The following PRKACA variants were observed in gnomAD, a reference collection of about 807,000 sequenced individuals.
The protein encoded by PRKACA is cAMP-dependent protein kinase catalytic subunit alpha.
In PRKACA, 9 loss-of-function variants were observed where a neutral mutation model predicts 45.8. The ratio of observed to expected loss-of-function variants is 0.20; its 90% CI spans 0.12 to 0.34. The LOEUF is 0.34. PRKACA is among the 10% of genes least tolerant of loss of function. PRKACA has a pLI of 1.00. For synonymous variants in PRKACA, 160 were observed against 178.6 expected, an observed-to-expected ratio of 0.90 and a Z score of 0.83; for missense variants, 238 against 458.6, an observed-to-expected ratio of 0.52 and a Z score of 4.39.
chr19:14,097,893 G>T lies in PRKACA; in HGVS notation c.420-3C>A. 6.2e-7 allele frequency: 1 copy of T among 1,614,122 alleles called. No individual in the cohort carries two copies. Among genetic ancestry groups the T allele is most frequent in the Non-Finnish European group, 8.5e-7 (1 of 1,180,026 alleles). ...CGTAGAAACGGGCATGGGGCTCACT[G>T]ATGGGGACAAATGGGGAGGTGAACG... On this transcript the variant is annotated splice_region_variant and splice_polypyrimidine_tract_variant and intron_variant, in intron 5 of 9. Transcript: ENST00000308677. The surrounding 1 kb of genome is among the most constrained non-coding windows in gnomAD (Gnocchi z 5.4).
chr19:14,099,028 T>G (rs1241207624), intron 5 of PRKACA, among the ~76,000 whole-genome samples: 2 of 152,070 alleles, frequency 1.3e-5, no homozygotes, highest in Non-Finnish European at 2.9e-5. Flanking sequence ...GGCCCATGCC[T>G]GTAATCCCAG....
In PRKACA at chr19:14,106,865, A is replaced by C; in HGVS notation, c.132T>G (p.Phe44Leu). ...PAQNTAHLDQ[F>L]ERIKTLGTGS... ...CCGTGCCGAGGGTCTTGATTCGTTC[A>C]AACTGATCCAAGTGGGCTGTGTTCT... Residue 44 changes from phenylalanine to leucine, a missense_variant, in exon 3 of 10, where the codon TTT becomes TTG. Physicochemically the swap from Phe to Leu is conservative, Grantham distance 22 (BLOSUM62 0). Transcript: ENST00000308677. 1.2e-6 allele frequency: 2 copies of C among 1,614,172 alleles called. No individual in the cohort carries two copies. Among genetic ancestry groups the C allele is most frequent in the Non-Finnish European group, 1.7e-6 (2 of 1,180,006 alleles).
Position 14,093,803 on chromosome 19 carries a change from G to A in PRKACA, c.766-11C>T. ...GGAAGGGAAGCGCACCTGGAGGAAGGGGTACAAGGACAGGGTGGGAAGCTG... is the reference window on the plus strand; with the variant it reads ...GGAAGGGAAGCGCACCTGGAGGAAGAGGTACAAGGACAGGGTGGGAAGCTG... On this transcript the variant is annotated splice_polypyrimidine_tract_variant and intron_variant, in intron 8 of 9. Coordinates refer to ENST00000308677, the MANE Select transcript of PRKACA (RefSeq NM_002730.4). The A allele has an allele frequency of 6.2e-7, 1 of 1,609,244 alleles. No individual in the cohort carries two copies. The highest frequency in any genetic ancestry group is 8.5e-7 in the Non-Finnish European group (1 of 1,177,664).
In PRKACA at chr19:14,117,490, C is replaced by G; in HGVS notation, c.46+12G>C. On this transcript the variant is annotated intron_variant, in intron 1 of 9. Transcript: ENST00000308677. ...GCAGGGCCAAGATCGGGGTCACAGC[C>G]CGGGCACTCACCGCTCTCCTGCTCG... 1 of 1,251,778 alleles carries G rather than the reference C, an allele frequency of 8.0e-7. No individual in the cohort carries two copies. The highest frequency in any genetic ancestry group is 1.0e-6 in the Non-Finnish European group (1 of 993,476). 77.5% of individuals were successfully genotyped at this position (1,251,778 alleles called of 1,614,324 possible). A position where few individuals can be genotyped will look rare whatever the true frequency, so the allele number is the denominator to read the frequency against.
intron 9 of PRKACA, 48 bp from the exon 10 acceptor site, chr19:14,093,285 A>T: frequency 6.3e-7 from 1 of 1,590,870 alleles, no homozygotes; most frequent in Non-Finnish European, 8.6e-7. Flanking sequence ...CAACATAATC[A>T]TTATTACAAC....
At chr19:14,098,625 A>G (rs529150068) in intron 5 of PRKACA, among the ~76,000 whole-genome samples, 4 of 151,816 alleles carry the variant, frequency 2.6e-5, no homozygotes, top group African/African-American at 9.7e-5. Flanking sequence ...CCTCCTGAGT[A>G]GCTGGGATTA....
intron 1 of PRKACA, among the ~76,000 whole-genome samples, chr19:14,112,977 A>G (rs1370328123): frequency 2.0e-5 from 3 of 152,124 alleles, no homozygotes; most frequent in Non-Finnish European, 4.4e-5. Context: ...GCGGGGGGCG[A>G]CAAGAGCCAC....
rs773821844 is a variant in PRKACA, at chr19:14,102,886, G to C, written c.266C>G (p.Thr89Ser). ...TTGCAGGATGCGCTTTTCATTCAGG[G>C]TGTGTTCGATCTGTTTCAGTTTCAC... ...KVVKLKQIEHTLNEKRILQAV... is the reference protein window; with the variant it reads ...KVVKLKQIEHSLNEKRILQAV... Residue 89 changes from threonine to serine, a missense_variant, in exon 4 of 10, where the codon ACC becomes AGC. Coordinates refer to ENST00000308677, the MANE Select transcript of PRKACA (RefSeq NM_002730.4). The C allele has an allele frequency of 1.9e-6, 3 of 1,614,076 alleles. No individual in the cohort carries two copies. The African/African-American group carries it at 4.0e-5, about 22-fold the overall frequency.
Position 14,117,567 on chromosome 19 carries a change from G to T in PRKACA, c.-20C>A. 1.7e-6 allele frequency: 2 copies of T among 1,145,240 alleles called. No homozygotes were observed. The highest frequency in any genetic ancestry group is 8.5e-5 in the South Asian group (2 of 23,570). 70.9% of individuals were successfully genotyped at this position (1,145,240 alleles called of 1,614,324 possible). ...GCCCATCGCGGCGGCGGCGGCCGGG[G>T]CCGGTCCCGGAGCTGCGGCGCGGCG... On this transcript the variant is annotated 5_prime_UTR_variant, in exon 1 of 10. Coordinates refer to ENST00000308677, the MANE Select transcript of PRKACA (RefSeq NM_002730.4).
chr19:14,110,146 C>CA (rs756713763), intron 1 of PRKACA, among the ~76,000 whole-genome samples: 1 of 149,942 alleles, frequency 6.7e-6, no homozygotes, highest in Non-Finnish European at 1.5e-5. Context: ...CCAATCTCTA[C>CA]AAAAAATAAA....
chr19:14,115,138 G>A (rs1329760213), intron 1 of PRKACA: 1 of 983,876 alleles, frequency 1.0e-6, no homozygotes, highest in African/African-American at 1.7e-5. Context: ...AGCTTCGGGC[G>A]TTTCTCAACG....
intron 3 of PRKACA, among the ~76,000 whole-genome samples, chr19:14,105,357 CAA>C (rs940664618): frequency 3.3e-5 from 5 of 151,716 alleles, no homozygotes; most frequent in African/African-American, 1.2e-4. Context: ...ACTAAAAATA[CAA>C]AAGTTAGCTG....
intron 1 of PRKACA, 53 bp from the exon 2 acceptor site, chr19:14,107,462 G>C: frequency 6.3e-7 from 1 of 1,578,088 alleles, no homozygotes; most frequent in South Asian, 1.1e-5. Flanking sequence ...CACCGGGGTG[G>C]GTTCAGGTGA....
intron 1 of PRKACA, among the ~76,000 whole-genome samples, chr19:14,109,440 T>A (rs1977706324): frequency 6.6e-6 from 1 of 151,468 alleles, no homozygotes. Context: ...GGGGCGAGAC[T>A]CTGTCTCCAA....
chr19:14,109,965 A>AAAATATAT (rs1568537449), intron 1 of PRKACA, among the ~76,000 whole-genome samples: 1 of 23,770 alleles, frequency 4.2e-5, no homozygotes, highest in Non-Finnish European at 8.6e-5. Flanking sequence ...AAAAAAAAAA[A>AAAATATAT]ATATATATAT....
In PRKACA at chr19:14,106,775, G is replaced by A; in HGVS notation, c.222C>T (p.Ile74=). ...GCCACCTCACCTTCTGTTTGTCGAGGATCTTCATGGCATAGTGGTTCCCGG... is the reference window on the plus strand; with the variant it reads ...GCCACCTCACCTTCTGTTTGTCGAGAATCTTCATGGCATAGTGGTTCCCGG... ...KETGNHYAMK[I]LDKQKVVKLK... Residue 74 remains isoleucine (I), a synonymous_variant, in exon 3 of 10, where the codon ATC becomes ATT. Coordinates refer to ENST00000308677, the MANE Select transcript of PRKACA (RefSeq NM_002730.4). 3 of 1,614,198 alleles carry A rather than the reference G, an allele frequency of 1.9e-6. No individual in the cohort carries two copies.
chr19:14,112,857 G>T (rs183555790), intron 1 of PRKACA, among the ~76,000 whole-genome samples: 1 of 152,334 alleles, frequency 6.6e-6, no homozygotes, highest in African/African-American at 2.4e-5. Flanking sequence ...GGGCAGAGGG[G>T]AAAGAGTTAA....
chr19:14,111,596 C>G (rs1478126301), intron 1 of PRKACA, among the ~76,000 whole-genome samples: 1 of 152,162 alleles, frequency 6.6e-6, no homozygotes, highest in Non-Finnish European at 1.5e-5. Flanking sequence ...ACTAGCAGAA[C>G]CTTTGTTTGA....
chr19:14,096,774 C>T (rs923480617), intron 8 of PRKACA: 1 of 177,076 alleles, frequency 5.6e-6, no homozygotes, highest in Non-Finnish European at 1.2e-5. Flanking sequence ...TGTTTCCTCA[C>T]CTCTCCTACA....
Sources: gnomAD v4.1 joint callset for allele counts (sites outside exome capture counted in the v4.1 genomes callset) on GRCh38, gnomAD v4.1.1 for gene constraint, Gnocchi (gnomAD v3.1) non-coding constraint, MANE v1.5 for transcripts, NCBI Gene and HGNC (gene_info 2026-07-23, HGNC 2026-07-21) for gene names.